Variants in PTPRD observed in about 807,000 individuals in gnomAD.
PTPRD encodes protein tyrosine phosphatase receptor type D.
A neutral mutation model predicts 214.5 loss-of-function variants in PTPRD; 34 were observed. The observed-to-expected ratio is 0.16, with a 90% CI of 0.12 to 0.21. The LOEUF (loss-of-function observed/expected upper bound fraction) is 0.21. PTPRD is among the 10% of genes least tolerant of loss of function. The probability of loss-of-function intolerance (pLI) is 1.00; values close to 1 mark genes in which losing one functional copy is unlikely to be tolerated. For missense variants in PTPRD, 2,545 were observed against 2,398.7 expected (o/e 1.06, Z -1.27); for synonymous variants, 1,128 against 845.7 (o/e 1.33, Z -5.79).
intron 2 of PTPRD, among the ~76,000 whole-genome samples, chr9:10,445,151 G>A (rs939848092): frequency 1.3e-5 from 2 of 151,954 alleles, no homozygotes; most frequent in Non-Finnish European, 2.9e-5. Context: ...GAGCATAAAG[G>A]TACAAGAAAC....
chr9:10,433,967 T>A (rs946159468), intron 2 of PTPRD, among the ~76,000 whole-genome samples: 2 of 151,874 alleles, frequency 1.3e-5, no homozygotes, highest in Admixed American at 1.3e-4. Flanking sequence ...AAACAAAAAG[T>A]GTTATTAATT....
intron 5 of PTPRD, among the ~76,000 whole-genome samples, chr9:9,828,597 C>T (rs954777139): frequency 2.6e-5 from 4 of 151,920 alleles, no homozygotes; most frequent in Non-Finnish European, 4.4e-5. Flanking sequence ...CACATGTATA[C>T]ATATGTAACA....
intron 3 of PTPRD, among the ~76,000 whole-genome samples, chr9:10,190,341 C>G (rs2099357237): frequency 7.9e-6 from 1 of 126,242 alleles, no homozygotes; most frequent in Admixed American, 1.0e-4. Context: ...AATCATGACA[C>G]TGCACTCCAG....
At chr9:9,146,593 C>T (rs865860160) in intron 10 of PTPRD, among the ~76,000 whole-genome samples, 5 of 151,898 alleles carry the variant, frequency 3.3e-5, no homozygotes, top group Admixed American at 6.6e-5. Context: ...TTTCACAGCT[C>T]GAAGGGACCT....
chr9:9,778,542 T>C (rs919196382), intron 5 of PTPRD, among the ~76,000 whole-genome samples: 5 of 152,136 alleles, frequency 3.3e-5, no homozygotes, highest in African/African-American at 1.2e-4. Flanking sequence ...AAGACTGGCT[T>C]CCCCATGACT....
chr9:9,222,313 T>C (rs1342309785), intron 9 of PTPRD, among the ~76,000 whole-genome samples: 2 of 152,198 alleles, frequency 1.3e-5, no homozygotes, highest in South Asian at 2.1e-4. Context: ...GCTTAAAACA[T>C]GCTATTCATC....
chr9:9,021,684 G>GTAGATGTGGA (rs1455924696), intron 10 of PTPRD, among the ~76,000 whole-genome samples: 8 of 152,088 alleles, frequency 5.3e-5, no homozygotes, highest in Non-Finnish European at 1.0e-4. Context: ...ATGTGGAAGA[G>GTAGATGTGGA]AGTGTTACTG....
rs558230605 is a variant in PTPRD at position 9,783,670 on chromosome 9, G to C, written c.-367-16819C>G. On this transcript the variant is annotated intron_variant, in intron 5 of 45. Transcript: ENST00000381196. The stretch of plus-strand genomic sequence containing the variant: ...ACAAGAACGCTACTTTGTACCCCTT[G>C]TTGTCTCCTCTACCTTCTTTTGCCA... Among the ~76,000 whole-genome samples, 66 of 152,106 alleles carry C rather than the reference G, an allele frequency of 4.3e-4. 1 individual carries two copies. The highest frequency in any genetic ancestry group is 1.3e-3 in the Admixed American group (20 of 15,282).
Position 8,389,324 on chromosome 9 carries a change from G to C in PTPRD, c.4294C>G (p.Leu1432Val), listed in dbSNP as rs2088547023. ...CAAAAGTCCCCAAATGTTTCGGGGA[G>C]AGATCCCTGTGTTGCAATATAGGCA... ...QNAYIATQGS[L>V]PETFGDFWRM... Residue 1432 changes from leucine to valine, a missense_variant, in exon 37 of 46, where the codon CTC becomes GTC. Physicochemically the swap from Leu to Val is conservative, Grantham distance 32. Transcript: ENST00000381196. 3.7e-6 allele frequency: 6 copies of C among 1,612,964 alleles called. No individual in the cohort carries two copies. The highest frequency in any genetic ancestry group is 1.3e-5 in the African/African-American group (1 of 74,944).
chr9:9,724,811 T>C (rs534104602), intron 7 of PTPRD, among the ~76,000 whole-genome samples: 1 of 152,230 alleles, frequency 6.6e-6, no homozygotes, highest in Admixed American at 6.6e-5. Flanking sequence ...ATTAAATAAC[T>C]CACCCAAGTT....
chr9:8,917,389 G>A (rs922356277), intron 11 of PTPRD, among the ~76,000 whole-genome samples: 6 of 150,834 alleles, frequency 4.0e-5, no homozygotes, highest in Admixed American at 6.6e-5. Flanking sequence ...CCACCACCTC[G>A]GCCTCCCAAA....
intron 2 of PTPRD, among the ~76,000 whole-genome samples, chr9:10,543,841 CA>C (rs1284629776): frequency 6.6e-6 from 1 of 152,122 alleles, no homozygotes; most frequent in African/African-American, 2.4e-5. Flanking sequence ...ACATAAAATA[CA>C]GATAGGGTTT....
chr9:8,825,505 T>TA (rs547235533), intron 11 of PTPRD, among the ~76,000 whole-genome samples: 1,615 of 152,300 alleles, frequency 0.011, 14 homozygotes, highest in Non-Finnish European at 0.017. Context: ...ACTTAACTGT[T>TA]AAAAGCTGTA....
intron 7 of PTPRD, among the ~76,000 whole-genome samples, chr9:9,661,685 G>C (rs967932138): frequency 2.0e-5 from 3 of 151,768 alleles, no homozygotes; most frequent in Non-Finnish European, 4.4e-5. Flanking sequence ...CTTGCAAATA[G>C]CACTAGGTTT....
intron 3 of PTPRD, among the ~76,000 whole-genome samples, chr9:10,082,516 A>G (rs2098256847): frequency 6.6e-6 from 1 of 152,080 alleles, no homozygotes; most frequent in Admixed American, 6.6e-5. Flanking sequence ...ATTAGCAAGT[A>G]CTGTGAATTA....
intron 35 of PTPRD, among the ~76,000 whole-genome samples, chr9:8,411,874 C>T (rs1300946992): frequency 6.6e-6 from 1 of 152,112 alleles, no homozygotes; most frequent in East Asian, 1.9e-4. Flanking sequence ...TAGAATGTGT[C>T]ATTGGAAATC....
At chr9:9,511,494 T>C (rs184120857) in intron 8 of PTPRD, among the ~76,000 whole-genome samples, 10 of 151,782 alleles carry the variant, frequency 6.6e-5, no homozygotes, top group Admixed American at 5.3e-4. Flanking sequence ...ATTGTTTGCC[T>C]AACTGAAAAA....
intron 8 of PTPRD, among the ~76,000 whole-genome samples, chr9:9,478,839 G>T (rs2095252472): frequency 6.6e-6 from 1 of 152,170 alleles, no homozygotes; most frequent in Admixed American, 6.5e-5. Context: ...GTTGGAGGTA[G>T]TTCAAGGGTG....
chr9:9,310,632 T>C (rs956218658), intron 9 of PTPRD, among the ~76,000 whole-genome samples: 1 of 152,082 alleles, frequency 6.6e-6, no homozygotes, highest in Non-Finnish European at 1.5e-5. Flanking sequence ...AATCTCACAT[T>C]CTGGGCCAGG....
Sources: allele counts gnomAD v4.1 joint callset (sites outside exome capture counted in the v4.1 genomes callset), GRCh38; gene constraint gnomAD v4.1.1; transcripts MANE v1.5; gene names NCBI Gene and HGNC (gene_info 2026-07-23, HGNC 2026-07-21).